HS2ST1: variants seen among roughly 807,000 people sequenced by gnomAD.
HS2ST1 encodes the protein 2-O-sulfotransferase.
In HS2ST1, 18 loss-of-function variants were observed where a neutral mutation model predicts 42.9. The ratio of observed to expected loss-of-function variants is 0.42; its 90% CI spans 0.29 to 0.62. The LOEUF is 0.62. Among genes scored for constraint, HS2ST1 ranks in the 20% least tolerant of loss-of-function variants. HS2ST1 has a pLI of 0.21. For missense variants in HS2ST1, 334 were observed against 433.8 expected (o/e 0.77, Z 2.04); for synonymous variants, 146 against 152.9 (o/e 0.95, Z 0.33).
At chr1:87,089,307 C>T (rs1651884184) in intron 3 of HS2ST1, among the ~76,000 whole-genome samples, 1 of 152,074 alleles carries the variant, frequency 6.6e-6, no homozygotes, top group Non-Finnish European at 1.5e-5. Context: ...TACCAACCTG[C>T]TGCTCAGATT....
intron 1 of HS2ST1, among the ~76,000 whole-genome samples, chr1:86,931,880 G>A (rs1255763386): frequency 6.6e-6 from 1 of 151,962 alleles, no homozygotes; most frequent in African/African-American, 2.4e-5. Flanking sequence ...ACGGTGCATT[G>A]AAGTGATATT....
chr1:87,020,733 GTC>G (rs1649919046), intron 1 of HS2ST1, among the ~76,000 whole-genome samples: 1 of 152,240 alleles, frequency 6.6e-6, no homozygotes, highest in East Asian at 1.9e-4. Context: ...TCTTCACATA[GTC>G]TCTGTGCATG....
intron 1 of HS2ST1, among the ~76,000 whole-genome samples, chr1:87,050,951 G>GTAA (rs945719107): frequency 7.9e-5 from 12 of 152,154 alleles, no homozygotes; most frequent in Non-Finnish European, 1.8e-4. Context: ...TGTGCTATAT[G>GTAA]TAACATTAGG....
At position 87,105,873 on chromosome 1, in the gene HS2ST1, A is replaced by G. The variant is rs1289223148; in HGVS notation, c.*1177A>G. 1 of 152,490 alleles carries G rather than the reference A, an allele frequency of 6.6e-6. No individual in the cohort carries two copies. The highest frequency in any genetic ancestry group is 1.5e-5 in the Non-Finnish European group (1 of 67,944). The allele number at this position is 152,490 out of a possible 1,614,324, so 9.4% of individuals were successfully genotyped here. On this transcript the variant is annotated 3_prime_UTR_variant, in exon 7 of 7. Transcript: ENST00000370550. ...AACTTGAGGCAGTAATTACAGTGGA[A>G]TGAGTACTGGACAAGGAGTCAAAAA...
intron 1 of HS2ST1, among the ~76,000 whole-genome samples, chr1:86,939,237 C>A (rs556194741): frequency 1.3e-5 from 2 of 152,268 alleles, no homozygotes; most frequent in East Asian, 3.9e-4. Context: ...TCATATCACA[C>A]TTACTTTAGA....
chr1:87,026,916 AG>A (rs1305014606), intron 1 of HS2ST1, among the ~76,000 whole-genome samples: 2 of 152,220 alleles, frequency 1.3e-5, no homozygotes, highest in Non-Finnish European at 2.9e-5. Context: ...TGATTATAAT[AG>A]TGAAATTTAA....
chr1:87,098,073 G>A (rs1266340666), intron 5 of HS2ST1, 138 bp downstream of exon 5: 2 of 1,442,964 alleles, frequency 1.4e-6, no homozygotes, highest in Non-Finnish European at 1.8e-6. Flanking sequence ...GTAATATCTA[G>A]TTTTGCAGTT....
At chr1:86,916,823 T>A (rs1354797986) in intron 1 of HS2ST1, among the ~76,000 whole-genome samples, 1 of 152,190 alleles carries the variant, frequency 6.6e-6, no homozygotes, top group Admixed American at 6.5e-5. Flanking sequence ...TTATTTTTTG[T>A]TTTGTTACTA....
At chr1:86,923,234 G>C (rs369187717) in intron 1 of HS2ST1, among the ~76,000 whole-genome samples, 1 of 151,994 alleles carries the variant, frequency 6.6e-6, no homozygotes, top group Non-Finnish European at 1.5e-5. Flanking sequence ...GTATTAGCCC[G>C]TTTTGACGCC....
At chr1:86,968,376 G>C (rs1429133683) in intron 1 of HS2ST1, among the ~76,000 whole-genome samples, 1 of 151,830 alleles carries the variant, frequency 6.6e-6, no homozygotes, top group African/African-American at 2.4e-5. Flanking sequence ...TTGAAGTCTT[G>C]AGTTTTGTGT....
chr1:87,065,546 T>A (rs1374058817), intron 1 of HS2ST1, among the ~76,000 whole-genome samples: 1 of 152,234 alleles, frequency 6.6e-6, no homozygotes, highest in African/African-American at 2.4e-5. Flanking sequence ...GTTTTGTTTT[T>A]AAGGGTAGTT....
At chr1:87,030,463 A>C (rs1275841835) in intron 1 of HS2ST1, among the ~76,000 whole-genome samples, 1 of 151,984 alleles carries the variant, frequency 6.6e-6, no homozygotes, top group African/African-American at 2.4e-5. Flanking sequence ...ATGCCTCTGC[A>C]CTCCAACCTG....
chr1:86,944,771 C>T (rs1647280916), intron 1 of HS2ST1, among the ~76,000 whole-genome samples: 1 of 152,014 alleles, frequency 6.6e-6, no homozygotes, highest in South Asian at 2.1e-4. Context: ...ACTAAACTAT[C>T]CCCGTTCCTA....
At chr1:87,085,521 T>C (rs1353105790) in intron 3 of HS2ST1, among the ~76,000 whole-genome samples, 1 of 152,200 alleles carries the variant, frequency 6.6e-6, no homozygotes, top group African/African-American at 2.4e-5. Flanking sequence ...TTCAATCAAA[T>C]TGTAGCTCTA....
chr1:86,964,339 C>T (rs573091048), intron 1 of HS2ST1, among the ~76,000 whole-genome samples: 1 of 152,360 alleles, frequency 6.6e-6, no homozygotes, highest in African/African-American at 2.4e-5. Flanking sequence ...GCACTCCAGC[C>T]TGGGCAACAT....
chr1:87,048,037 T>C (rs2100611415), intron 1 of HS2ST1, among the ~76,000 whole-genome samples: 1 of 152,278 alleles, frequency 6.6e-6, no homozygotes, highest in East Asian at 1.9e-4. Context: ...ATTGACATCT[T>C]AACAGTAGTC....
In HS2ST1 at chr1:87,106,450, T is replaced by C. The variant is rs569996191; in HGVS notation, c.*1754T>C. On this transcript the variant is annotated 3_prime_UTR_variant, in exon 7 of 7. Transcript: ENST00000370550. ...AATGGTAGCTATTCTATACCTATGG[T>C]TTAAGTAAATATTTCTGAATAAGGC... The C allele has an allele frequency of 2.0e-5, 3 of 152,210 alleles. No homozygotes were observed. The South Asian group carries it at 6.2e-4, about 32-fold the overall frequency. The allele number at this position is 152,210 out of a possible 1,614,324, so 9.4% of individuals were successfully genotyped here.
At chr1:86,981,954 G>T (rs1305596341) in intron 1 of HS2ST1, among the ~76,000 whole-genome samples, 2 of 152,230 alleles carry the variant, frequency 1.3e-5, no homozygotes, top group Admixed American at 6.5e-5. Flanking sequence ...TGCCCCTGCA[G>T]CACACTTCTG....
At chr1:87,061,553 C>G (rs1326219121) in intron 1 of HS2ST1, among the ~76,000 whole-genome samples, 1 of 152,106 alleles carries the variant, frequency 6.6e-6, no homozygotes, top group Non-Finnish European at 1.5e-5. Context: ...TATTGTATTA[C>G]TAACATATAT....
Sources: allele counts gnomAD v4.1 joint callset (sites outside exome capture counted in the v4.1 genomes callset), GRCh38; gene constraint gnomAD v4.1.1; transcripts MANE v1.5; gene names NCBI Gene and HGNC (gene_info 2026-07-23, HGNC 2026-07-21).